Variants in SGCZ observed in about 807,000 individuals in gnomAD.
SGCZ encodes zeta-sarcoglycan.
Under a neutral mutation model 41.3 loss-of-function variants are expected in SGCZ, and 40 were observed. That is an observed-to-expected ratio of 0.97 (90% CI 0.75 to 1.26). SGCZ has a LOEUF of 1.26. SGCZ is among the 50% of genes most tolerant of loss of function. The probability of loss-of-function intolerance (pLI) is 0.00; values close to 1 mark genes in which losing one functional copy is unlikely to be tolerated. For synonymous variants in SGCZ, 206 were observed against 137.5 expected (o/e 1.50, Z -3.49); for missense variants, 552 against 369.8 (o/e 1.49, Z -4.04).
At chr8:15,052,681 A>C (rs1804557101) in intron 1 of SGCZ, among the ~76,000 whole-genome samples, 2 of 152,190 alleles carry the variant, frequency 1.3e-5, no homozygotes, top group Admixed American at 6.5e-5. Context: ...AAAAAAAATT[A>C]AGACTTTATG....
intron 2 of SGCZ, among the ~76,000 whole-genome samples, chr8:14,432,914 CAAAAAAAAAAAAAA>C (rs767979164): frequency 1.3e-5 from 1 of 75,630 alleles, no homozygotes. Flanking sequence ...ACTGTGTCTC[CAAAAAAAAAAAAAA>C]AAAAAAAAAA....
At chr8:14,284,075 C>T (rs1009123113) in intron 3 of SGCZ, among the ~76,000 whole-genome samples, 2 of 152,120 alleles carry the variant, frequency 1.3e-5, no homozygotes, top group African/African-American at 4.8e-5. Flanking sequence ...CTCCTTATTT[C>T]TAGTGATATT....
intron 1 of SGCZ, among the ~76,000 whole-genome samples, chr8:15,223,739 G>T (rs1411888507): frequency 6.6e-6 from 1 of 152,040 alleles, no homozygotes; most frequent in Non-Finnish European, 1.5e-5. Flanking sequence ...ATTATATTTT[G>T]CACATTTCAG....
At chr8:15,174,227 T>C (rs1799934401) in intron 1 of SGCZ, among the ~76,000 whole-genome samples, 1 of 152,186 alleles carries the variant, frequency 6.6e-6, no homozygotes, top group African/African-American at 2.4e-5. Flanking sequence ...GCAACTAAAC[T>C]GTTACATCAT....
chr8:15,225,719 G>T (rs1445178853), intron 1 of SGCZ, among the ~76,000 whole-genome samples: 1 of 152,166 alleles, frequency 6.6e-6, no homozygotes, highest in Non-Finnish European at 1.5e-5. Context: ...GATGTGACTT[G>T]CTTGGAGACT....
intron 7 of SGCZ, among the ~76,000 whole-genome samples, chr8:14,095,830 G>A (rs548194793): frequency 6.6e-6 from 1 of 152,200 alleles, no homozygotes; most frequent in Non-Finnish European, 1.5e-5. Context: ...TCCCTTGTAA[G>A]TTTTATTCCT....
chr8:14,295,148 G>T (rs1178069028), intron 3 of SGCZ, among the ~76,000 whole-genome samples: 2 of 152,064 alleles, frequency 1.3e-5, no homozygotes, highest in African/African-American at 4.8e-5. Context: ...GTTTATAGCG[G>T]CTTTATTTGT....
intron 2 of SGCZ, among the ~76,000 whole-genome samples, chr8:14,414,379 A>G (rs1424602873): frequency 6.6e-6 from 1 of 151,936 alleles, no homozygotes; most frequent in Non-Finnish European, 1.5e-5. Context: ...GAGTGTGCAT[A>G]GGAACTCCCT....
chr8:14,381,283 G>A (rs1026005548), intron 2 of SGCZ, among the ~76,000 whole-genome samples: 1 of 152,174 alleles, frequency 6.6e-6, no homozygotes, highest in Non-Finnish European at 1.5e-5. Context: ...AGCTAGGAAG[G>A]TTCAGAGAGA....
chr8:14,704,351 T>C (rs1223258167), intron 1 of SGCZ, among the ~76,000 whole-genome samples: 1 of 152,056 alleles, frequency 6.6e-6, no homozygotes, highest in Non-Finnish European at 1.5e-5. Flanking sequence ...TTTTTTGAAA[T>C]TATAACTAAC....
intron 1 of SGCZ, among the ~76,000 whole-genome samples, chr8:14,610,300 C>T (rs928731693): frequency 2.6e-5 from 4 of 152,164 alleles, no homozygotes; most frequent in African/African-American, 9.7e-5. Flanking sequence ...AGGAGATAAA[C>T]TCCCATGTGA....
intron 2 of SGCZ, among the ~76,000 whole-genome samples, chr8:14,439,008 C>A (rs1800169485): frequency 6.6e-6 from 1 of 152,042 alleles, no homozygotes; most frequent in Admixed American, 6.6e-5. Context: ...AATGCAGGAT[C>A]TTTCACGAAG....
At chr8:14,300,570 A>T (rs1801153020) in intron 3 of SGCZ, among the ~76,000 whole-genome samples, 1 of 151,936 alleles carries the variant, frequency 6.6e-6, no homozygotes, top group African/African-American at 2.4e-5. Flanking sequence ...TAAGATTGTT[A>T]TGAAGATTAA....
At chr8:14,851,050 T>C (rs1803299924) in intron 1 of SGCZ, among the ~76,000 whole-genome samples, 1 of 152,032 alleles carries the variant, frequency 6.6e-6, no homozygotes, top group Non-Finnish European at 1.5e-5. Context: ...TGACATTTAG[T>C]CTGCAAGTGG....
Position 14,164,575 on chromosome 8 carries a change from A to G in SGCZ, c.547+5T>C. ...ACAATTTTTCAAGACCTCCATCTAC[A>G]GTACCTGTAACTTTCAGCTTTTCAG... On this transcript the variant is annotated splice_donor_5th_base_variant and intron_variant, in intron 5 of 7. Coordinates refer to ENST00000382080, the MANE Select transcript of SGCZ (RefSeq NM_139167.4). The G allele has an allele frequency of 6.2e-7, 1 of 1,613,282 alleles. No individual in the cohort carries two copies. Among genetic ancestry groups the G allele is most frequent in the South Asian group, 1.1e-5 (1 of 91,070 alleles).
At chr8:15,091,700 C>G (rs913682362) in intron 1 of SGCZ, among the ~76,000 whole-genome samples, 1 of 152,018 alleles carries the variant, frequency 6.6e-6, no homozygotes, top group African/African-American at 2.4e-5. Context: ...ATCTGAGACC[C>G]ATTGTTATAG....
At chr8:15,177,491 G>T (rs991138127) in intron 1 of SGCZ, among the ~76,000 whole-genome samples, 1 of 152,084 alleles carries the variant, frequency 6.6e-6, no homozygotes, top group African/African-American at 2.4e-5. Flanking sequence ...TGATTTTAAA[G>T]ATTATACATT....
chr8:14,494,440 C>T (rs1296499159), intron 2 of SGCZ, among the ~76,000 whole-genome samples: 1 of 152,132 alleles, frequency 6.6e-6, no homozygotes, highest in Non-Finnish European at 1.5e-5. Flanking sequence ...AATGATATTT[C>T]ACTCCCTAAT....
intron 4 of SGCZ, among the ~76,000 whole-genome samples, chr8:14,212,080 T>C (rs1240439125): frequency 6.6e-6 from 1 of 152,086 alleles, no homozygotes; most frequent in African/African-American, 2.4e-5. Flanking sequence ...TTCTTGATAG[T>C]CAAGAGTCCT....
Sources: gnomAD v4.1 joint callset for allele counts (sites outside exome capture counted in the v4.1 genomes callset) on GRCh38, gnomAD v4.1.1 for gene constraint, MANE v1.5 for transcripts, NCBI Gene and HGNC (gene_info 2026-07-23, HGNC 2026-07-21) for gene names.